The following SNX25 variants were observed in gnomAD, a reference collection of about 807,000 sequenced individuals.
SNX25 encodes sorting nexin-25.
In SNX25, 62 loss-of-function variants were observed where a neutral mutation model predicts 113.7. The ratio of observed to expected loss-of-function variants is 0.55; its 90% CI spans 0.44 to 0.67. The LOEUF (loss-of-function observed/expected upper bound fraction) is 0.67. Ranked by LOEUF, SNX25 falls within the 30% of genes least tolerant of loss-of-function variation. SNX25 has a pLI of 0.00. For synonymous variants in SNX25, 421 were observed against 436.2 expected, an observed-to-expected ratio of 0.97 and a Z score of 0.43; for missense variants, 1,014 against 1,161.0, an observed-to-expected ratio of 0.87 and a Z score of 1.84.
At chr4:185,367,029 G>A (rs988487076), downstream of SNX25, 18 of 706,508 alleles carry the variant, frequency 2.5e-5, no homozygotes, top group Middle Eastern at 2.6e-4. Context: ...ACTTAACAGC[G>A]TACGAATTCA....
At chr4:185,295,494 C>T (rs11726440) in intron 6 of SNX25, among the ~76,000 whole-genome samples, 18,715 of 149,758 alleles carry the variant, frequency 0.12, 1,439 homozygotes, top group Admixed American at 0.21. Flanking sequence ...TTGTCACCCA[C>T]GCTGAAGTGC....
intron 1 of SNX25, among the ~76,000 whole-genome samples, chr4:185,235,490 C>T (rs1430721076): frequency 6.6e-6 from 1 of 152,170 alleles, no homozygotes; most frequent in Non-Finnish European, 1.5e-5. Context: ...GGGATTTTTC[C>T]AGTTCACCTA....
intron 2 of SNX25, among the ~76,000 whole-genome samples, chr4:185,249,612 A>G (rs1745359912): frequency 6.6e-6 from 1 of 152,052 alleles, no homozygotes; most frequent in African/African-American, 2.4e-5. Flanking sequence ...ATAAAGTCCA[A>G]TTTACCAATC....
At chr4:185,207,210 C>CT (rs34373262), upstream of SNX25, among the ~76,000 whole-genome samples, 28,960 of 76,740 alleles carry the variant, frequency 0.38, 10,310 homozygotes, top group Non-Finnish European at 0.47. Context: ...ACCAGTCACA[C>CT]TTTTTTTTTT....
intron 13 of SNX25, 73 bp downstream of exon 13, chr4:185,346,723 A>C (rs1023788913): frequency 1.0e-6 from 1 of 969,072 alleles, no homozygotes; most frequent in African/African-American, 1.7e-5. Context: ...TCATTCTACG[A>C]GCTTGGTAGT....
intron 2 of SNX25, among the ~76,000 whole-genome samples, chr4:185,258,646 T>C (rs1418630640): frequency 2.6e-5 from 4 of 152,208 alleles, no homozygotes; most frequent in African/African-American, 9.6e-5. Context: ...ATTTAGGACA[T>C]GGTCACCATA....
At chr4:185,343,816 G>A (rs1028230785) in intron 12 of SNX25, among the ~76,000 whole-genome samples, 7 of 152,192 alleles carry the variant, frequency 4.6e-5, no homozygotes, top group African/African-American at 1.7e-4. Flanking sequence ...CTTGCTGCTT[G>A]TAGAAAGAAG....
intron 18 of SNX25, 22 bp downstream of exon 18, chr4:185,362,733 G>A (rs2095370826): frequency 6.3e-7 from 1 of 1,585,096 alleles, no homozygotes; most frequent in Non-Finnish European, 8.6e-7. Flanking sequence ...AAAGCCCAGG[G>A]GGTTTCCTGC....
chr4:185,335,158 A>G (rs2095220677), intron 10 of SNX25, among the ~76,000 whole-genome samples: 1 of 152,092 alleles, frequency 6.6e-6, no homozygotes, highest in Admixed American at 6.6e-5. Flanking sequence ...CGCCTCTACT[A>G]AAAATATAAC....
Position 185,221,177 on chromosome 4 carries a change from T to A in SNX25, c.429+10922T>A, listed in dbSNP as rs531342065. On this transcript the variant is annotated intron_variant, in intron 1 of 18. Transcript: ENST00000652585. ...CCTCCCAAGTAGCTGGGTCTAAGGATGCATGCCACCGCACTCAACTAATTT... is the reference window on the plus strand; with the variant it reads ...CCTCCCAAGTAGCTGGGTCTAAGGAAGCATGCCACCGCACTCAACTAATTT... Among the ~76,000 whole-genome samples the A allele has an allele frequency of 1.4e-4, 21 of 152,092 alleles. 1 individual carries two copies. In the South Asian group the frequency reaches 2.1e-3, roughly 15 times the overall value.
chr4:185,225,507 A>G (rs550149762), intron 1 of SNX25, among the ~76,000 whole-genome samples: 4 of 152,296 alleles, frequency 2.6e-5, no homozygotes, highest in African/African-American at 9.6e-5. Context: ...TTAGCATGGC[A>G]TATGTTGGCA....
chr4:185,371,720 G>C (rs1445919714), downstream of SNX25, among the ~76,000 whole-genome samples: 1 of 152,138 alleles, frequency 6.6e-6, no homozygotes, highest in Admixed American at 6.5e-5. Flanking sequence ...ATGATTTAAA[G>C]TCTTAGTTCT....
Position 185,215,187 on chromosome 4 carries a change from C to T in SNX25, c.429+4932C>T, listed in dbSNP as rs551780347. On this transcript the variant is annotated intron_variant, in intron 1 of 18. Transcript: ENST00000652585. ...GAGCTTGCAGTGAGCCGAGATCGTG[C>T]CACTGCACTCCAGCCTGGGCGACAG... is the stretch of plus-strand genomic sequence containing the variant. Among the ~76,000 whole-genome samples, 154 of 152,184 alleles carry T rather than the reference C, an allele frequency of 1.0e-3. 1 individual carries two copies. The highest frequency in any genetic ancestry group is 3.6e-3 in the African/African-American group (148 of 41,548).
At position 185,318,491 on chromosome 4, in the gene SNX25, C is replaced by T. The variant is rs116515633; in HGVS notation, c.1345-2242C>T. The stretch of plus-strand genomic sequence containing the variant: ...AGTAGATGGGCTTATTTTGGTACAT[C>T]CATACGGAGGAATTTTATGGGCTTA... On this transcript the variant is annotated intron_variant, in intron 7 of 18. Transcript: ENST00000652585. Among the ~76,000 whole-genome samples, 1,280 of 152,066 alleles carry T rather than the reference C, an allele frequency of 8.4e-3. 16 individuals are homozygous for T. The highest frequency in any genetic ancestry group is 0.029 in the African/African-American group (1,218 of 41,462).
At chr4:185,280,540 A>G (rs898186289) in intron 5 of SNX25, among the ~76,000 whole-genome samples, 2 of 152,230 alleles carry the variant, frequency 1.3e-5, no homozygotes, top group African/African-American at 2.4e-5. Context: ...TTCAATGAAC[A>G]TATGCTACTT....
At chr4:185,295,271 C>T (rs1752684162) in intron 6 of SNX25, among the ~76,000 whole-genome samples, 1 of 152,042 alleles carries the variant, frequency 6.6e-6, no homozygotes, top group South Asian at 2.1e-4. Context: ...CTCCTTATTG[C>T]TGCATTCTTT....
Position 185,256,590 on chromosome 4 carries a change from C to T in SNX25, c.515-2258C>T, listed in dbSNP as rs530246909. 2.1e-4 allele frequency among the ~76,000 whole-genome samples: 32 copies of T among 151,608 alleles called. No individual in the cohort carries two copies. The South Asian group carries it at 4.8e-3, about 23-fold the overall frequency. ...AAATGACTCTCCCTCTCCCCACCCT[C>T]CAATCCCTCCCCCCAGAGAGCTCAC... On this transcript the variant is annotated intron_variant, in intron 2 of 18. Coordinates refer to ENST00000652585, the MANE Select transcript of SNX25 (RefSeq NM_001378034.2).
chr4:185,335,355 C>CACAA, intron 10 of SNX25, among the ~76,000 whole-genome samples: 1 of 147,330 alleles, frequency 6.8e-6, no homozygotes, highest in Non-Finnish European at 1.5e-5. Flanking sequence ...CACACACACA[C>CACAA]ACAACAAAAA....
At chr4:185,349,883 T>C (rs1055903653) in intron 13 of SNX25, among the ~76,000 whole-genome samples, 3 of 152,268 alleles carry the variant, frequency 2.0e-5, no homozygotes, top group Non-Finnish European at 4.4e-5. Flanking sequence ...CCTGCTATTT[T>C]GTAAAATGTT....
Sources: gnomAD v4.1 joint callset for allele counts (sites outside exome capture counted in the v4.1 genomes callset) on GRCh38, gnomAD v4.1.1 for gene constraint, MANE v1.5 for transcripts, NCBI Gene and HGNC (gene_info 2026-07-23, HGNC 2026-07-21) for gene names.